Variants in SLC25A26 observed in about 807,000 individuals in gnomAD.
SLC25A26 encodes mitochondrial S-adenosylmethionine carrier protein.
A neutral mutation model predicts 37.8 loss-of-function variants in SLC25A26; 36 were observed. The ratio of observed to expected loss-of-function variants is 0.95; its 90% confidence interval spans 0.73 to 1.26. The LOEUF is 1.26. Among genes scored for constraint, SLC25A26 ranks in the 50% most tolerant of loss-of-function variants. SLC25A26 has a pLI of 0.00. For synonymous variants in SLC25A26, 129 were observed against 122.5 expected, an observed-to-expected ratio of 1.05 and a Z score of -0.35; for missense variants, 390 against 331.1, an observed-to-expected ratio of 1.18 and a Z score of -1.38.
intron 1 of SLC25A26, among the ~76,000 whole-genome samples, chr3:66,192,981 C>T (rs902419021): frequency 3.6e-4 from 55 of 152,086 alleles, no homozygotes; most frequent in African/African-American, 1.2e-3. Context: ...AAGAAATATT[C>T]CCTTAATTAG....
At chr3:66,176,943 G>A (rs2070596643) in intron 1 of SLC25A26, among the ~76,000 whole-genome samples, 1 of 152,198 alleles carries the variant, frequency 6.6e-6, no homozygotes, top group Admixed American at 6.5e-5. Context: ...AATTAAGCCT[G>A]TTATCCTGAT....
intron 3 of SLC25A26, among the ~76,000 whole-genome samples, chr3:66,254,076 G>A (rs543402612): frequency 3.0e-4 from 45 of 152,280 alleles, no homozygotes; most frequent in Admixed American, 1.6e-3. Context: ...ACTTATTTGC[G>A]TGATTGGAAA....
intron 5 of SLC25A26, among the ~76,000 whole-genome samples, chr3:66,317,638 A>C (rs1304447850): frequency 6.6e-6 from 1 of 152,228 alleles, no homozygotes; most frequent in Non-Finnish European, 1.5e-5. Context: ...GCCCGTTGGC[A>C]GAGTGGGTGT....
At chr3:66,188,397 C>T (rs916329417) in intron 1 of SLC25A26, among the ~76,000 whole-genome samples, 1 of 151,976 alleles carries the variant, frequency 6.6e-6, no homozygotes, top group Admixed American at 6.5e-5. Flanking sequence ...GGGGTAAATC[C>T]CTCATGAACA....
intron 1 of SLC25A26, 191 bp from the exon 2 acceptor site, chr3:66,236,353 A>G (rs2072284840): frequency 6.5e-6 from 1 of 154,806 alleles, no homozygotes; most frequent in African/African-American, 2.4e-5. Context: ...AATATAGCAC[A>G]ATAATGGCTA....
At chr3:66,202,114 A>G (rs2071118984) in intron 1 of SLC25A26, among the ~76,000 whole-genome samples, 2 of 152,156 alleles carry the variant, frequency 1.3e-5, no homozygotes, top group African/African-American at 2.4e-5. Context: ...AACCAACCCA[A>G]ATGCCCCTCA....
intron 7 of SLC25A26, among the ~76,000 whole-genome samples, chr3:66,364,303 G>C (rs1209192384): frequency 6.6e-6 from 1 of 152,188 alleles, no homozygotes; most frequent in African/African-American, 2.4e-5. Context: ...GTCAGAAGGA[G>C]TGAGAGAAGG....
intron 5 of SLC25A26, among the ~76,000 whole-genome samples, chr3:66,267,075 C>A (rs2073782891): frequency 1.3e-5 from 2 of 152,166 alleles, no homozygotes; most frequent in African/African-American, 4.8e-5. Flanking sequence ...TGCCCTGAAG[C>A]ATTCACTTTC....
intron 1 of SLC25A26, among the ~76,000 whole-genome samples, chr3:66,228,397 T>C (rs1017475841): frequency 1.3e-5 from 2 of 152,244 alleles, no homozygotes; most frequent in African/African-American, 4.8e-5. Context: ...CAAACCCTAC[T>C]ACTACATGTT....
intron 5 of SLC25A26, among the ~76,000 whole-genome samples, chr3:66,334,782 C>T (rs1415446997): frequency 1.3e-5 from 2 of 152,106 alleles, no homozygotes; most frequent in Non-Finnish European, 2.9e-5. Context: ...CCATAGCTAA[C>T]CCAGAGCTAA....
At chr3:66,320,991 A>C (rs997350542) in intron 5 of SLC25A26, among the ~76,000 whole-genome samples, 4 of 152,142 alleles carry the variant, frequency 2.6e-5, no homozygotes, top group Non-Finnish European at 5.9e-5. Context: ...TGATGGTATT[A>C]GGAGGTGTAT....
chr3:66,189,270 G>A (rs1376215134), intron 1 of SLC25A26, among the ~76,000 whole-genome samples: 1 of 151,596 alleles, frequency 6.6e-6, no homozygotes, highest in Non-Finnish European at 1.5e-5. Context: ...CTCTGACCCT[G>A]TACCAGACCC....
intron 1 of SLC25A26, among the ~76,000 whole-genome samples, chr3:66,144,205 AGAGGGAAGAGACT>A (rs2070081226): frequency 6.6e-6 from 1 of 152,120 alleles, no homozygotes; most frequent in African/African-American, 2.4e-5. Flanking sequence ...GTATCCAAGC[AGAGGGAAGAGACT>A]GAGCCAAGAC....
intron 5 of SLC25A26, among the ~76,000 whole-genome samples, chr3:66,312,872 G>T (rs557656248): frequency 6.6e-6 from 1 of 152,260 alleles, no homozygotes; most frequent in African/African-American, 2.4e-5. Flanking sequence ...GGGTACCTCA[G>T]TTGGAAATGC....
chr3:66,277,968 AAGACTAAGG>A (rs1465779834), intron 5 of SLC25A26, among the ~76,000 whole-genome samples: 1 of 152,096 alleles, frequency 6.6e-6, no homozygotes. Context: ...CAAATAAGAG[AAGACTAAGG>A]AGACACAACA....
chr3:66,318,559 A>G (rs952318183), intron 5 of SLC25A26, among the ~76,000 whole-genome samples: 1 of 151,238 alleles, frequency 6.6e-6, no homozygotes, highest in African/African-American at 2.4e-5. Context: ...AAGATGCAGA[A>G]TTCACTCACC....
At chr3:66,166,353 A>C (rs562621961) in intron 1 of SLC25A26, among the ~76,000 whole-genome samples, 9 of 152,344 alleles carry the variant, frequency 5.9e-5, no homozygotes, top group Non-Finnish European at 1.2e-4. Context: ...TGCAGCCTAG[A>C]GAAAGAATGA....
intron 3 of SLC25A26, among the ~76,000 whole-genome samples, chr3:66,257,457 A>G (rs1024947738): frequency 1.3e-4 from 20 of 152,170 alleles, no homozygotes; most frequent in African/African-American, 4.8e-4. Flanking sequence ...CAGCCAGACC[A>G]CTGCTCATTC....
At chr3:66,315,562 C>A (rs2075514493) in intron 5 of SLC25A26, among the ~76,000 whole-genome samples, 1 of 151,972 alleles carries the variant, frequency 6.6e-6, no homozygotes, top group Admixed American at 6.6e-5. Flanking sequence ...TTTTAGAGTG[C>A]CATGTGGCAC....
Sources: gnomAD v4.1 joint callset for allele counts (sites outside exome capture counted in the v4.1 genomes callset) on GRCh38, gnomAD v4.1.1 for gene constraint, MANE v1.5 for transcripts, NCBI Gene and HGNC (gene_info 2026-07-23, HGNC 2026-07-21) for gene names.